The following MRO variants were observed in gnomAD, a reference collection of about 807,000 sequenced individuals.
The protein encoded by MRO is maestro, also known as protein maestro.
MRO carries 28 observed loss-of-function variants against 31.0 expected under a neutral mutation model. The ratio of observed to expected loss-of-function variants is 0.90; its 90% CI spans 0.67 to 1.24. MRO has a LOEUF of 1.24. MRO is among the 50% of genes most tolerant of loss of function. MRO has a pLI of 0.00. For synonymous variants in MRO, 108 were observed against 108.4 expected, an observed-to-expected ratio of 1.00 and a Z score of 0.02; for missense variants, 332 against 289.2, an observed-to-expected ratio of 1.15 and a Z score of -1.07.
At chr18:50,818,434 T>G (rs1442758926) in intron 2 of MRO, among the ~76,000 whole-genome samples, 2 of 152,166 alleles carry the variant, frequency 1.3e-5, no homozygotes, top group African/African-American at 4.8e-5. Context: ...GCAGACCCCT[T>G]GGTTTTCACG....
intron 2 of MRO, chr18:50,815,204 G>T: frequency 5.1e-6 from 1 of 196,764 alleles, no homozygotes; most frequent in Non-Finnish European, 1.1e-5. Context: ...GGGCATAATT[G>T]TGAAGTAAAA....
Position 50,806,750 on chromosome 18 carries a change from A to T in MRO, c.200T>A (p.Met67Lys). 1 of 1,614,120 alleles carries T rather than the reference A, an allele frequency of 6.2e-7. No homozygotes were observed. Among genetic ancestry groups the T allele is most frequent in the Non-Finnish European group, 8.5e-7 (1 of 1,180,016 alleles). The change falls in exon 4 of 8, where the codon ATG becomes AAG. Residue 67 changes from methionine to lysine, a missense_variant. Coordinates refer to ENST00000398439, the MANE Select transcript of MRO (RefSeq NM_031939.6). ...CATGGTTCCCAAGTTTCTCATTGCC[A>T]TGTGACGCTTTTTAGCACTGGGGTC... ...ARDPSAKKRH[M>K]AMRNLGTMAY...
rs1242159079 is a variant in MRO at position 50,797,579 on chromosome 18, T to C, written c.*1758A>G. 3 of 152,298 alleles carry C rather than the reference T, an allele frequency of 2.0e-5. No individual in the cohort carries two copies. Among genetic ancestry groups the C allele is most frequent in the Middle Eastern group, 3.4e-3 (1 of 294 alleles). 9.4% of individuals were successfully genotyped at this position (152,298 alleles called of 1,614,324 possible). On this transcript the variant is annotated 3_prime_UTR_variant, in exon 8 of 8. Transcript: ENST00000398439. ...TTTTAACCGACAGAGGGACATTAACTGCATAGGTTTTTCTACTCCAGAGCA... is the reference window on the plus strand; with the variant it reads ...TTTTAACCGACAGAGGGACATTAACCGCATAGGTTTTTCTACTCCAGAGCA...
In MRO at chr18:50,801,483, A is replaced by T. The variant is rs1298560997; in HGVS notation, c.451T>A (p.Ser151Thr). 1.2e-6 allele frequency: 2 copies of T among 1,606,492 alleles called. No individual in the cohort carries two copies. Among genetic ancestry groups the T allele is most frequent in the Non-Finnish European group, 1.7e-6 (2 of 1,176,846 alleles). ...LDDENDSLRY[S>T]AFVLFGQLAA... ...AATTGCCCAAACAAAACAAAGGCCG[A>T]GTATCTCAGACTGTCGTTCTCCTGC... Residue 151 changes from serine (S) to threonine (T), a missense_variant, in exon 6 of 8, where the codon TCG (serine) becomes ACG (threonine). Physicochemically the swap from Ser to Thr is moderately conservative, Grantham distance 58. Coordinates refer to ENST00000398439, the MANE Select transcript of MRO (RefSeq NM_031939.6).
intron 3 of MRO, among the ~76,000 whole-genome samples, chr18:50,807,256 C>T (rs1253610843): frequency 6.6e-6 from 1 of 152,154 alleles, no homozygotes; most frequent in Non-Finnish European, 1.5e-5. Context: ...CAGCTCTTTC[C>T]CATTTTTCTG....
chr18:50,799,801 C>T (rs1344794159), intron 7 of MRO, among the ~76,000 whole-genome samples: 1 of 152,166 alleles, frequency 6.6e-6, no homozygotes, highest in African/African-American at 2.4e-5. Context: ...ATCTCAGCTA[C>T]TCAAGAAGCT....
At chr18:50,809,144 C>CAAAAAAAAAAAAAAAAAAAAAAAAAAA (rs61728184) in intron 3 of MRO, among the ~76,000 whole-genome samples, 158 bp downstream of exon 3, 1 of 99,098 alleles carries the variant, frequency 1.0e-5, no homozygotes, top group Non-Finnish European at 1.9e-5. Context: ...GACTCCGTCT[C>CAAAAAAAAAAAAAAAAAAAAAAAAAAA]AAAAAAAAAA....
intron 5 of MRO, 55 bp downstream of exon 5, chr18:50,805,099 A>G: frequency 2.0e-6 from 3 of 1,486,190 alleles, no homozygotes; most frequent in Admixed American, 3.4e-5. Flanking sequence ...CCCCACAGTC[A>G]TATTTCTAAG....
chr18:50,816,252 G>A (rs1914909579), intron 2 of MRO: 1 of 152,534 alleles, frequency 6.6e-6, no homozygotes, highest in South Asian at 2.1e-4. Context: ...CATAGCCACA[G>A]TTTGCAAAAA....
intron 5 of MRO, among the ~76,000 whole-genome samples, chr18:50,802,697 T>C (rs1387393383): frequency 6.6e-6 from 1 of 151,650 alleles, no homozygotes; most frequent in Non-Finnish European, 1.5e-5. Flanking sequence ...ACAGAAATTG[T>C]CTTAGGGTTT....
At chr18:50,813,510 GA>G (rs887117592) in intron 2 of MRO, among the ~76,000 whole-genome samples, 1 of 152,222 alleles carries the variant, frequency 6.6e-6, no homozygotes, top group African/African-American at 2.4e-5. Context: ...CAGAGTTTCT[GA>G]TTCTGTGCAT....
intron 2 of MRO, among the ~76,000 whole-genome samples, chr18:50,811,669 T>C (rs1459693102): frequency 1.3e-5 from 2 of 152,046 alleles, no homozygotes; most frequent in South Asian, 2.1e-4. Context: ...TGAATATCTG[T>C]GCACAACTAT....
chr18:50,820,083 T>C, upstream of MRO: 4 of 913,386 alleles, frequency 4.4e-6, no homozygotes, highest in Non-Finnish European at 6.9e-6. Flanking sequence ...GGCCGCGAGA[T>C]GGCGGCATGA....
At chr18:50,805,931 C>A (rs371182303) in intron 4 of MRO, among the ~76,000 whole-genome samples, 2 of 151,470 alleles carry the variant, frequency 1.3e-5, no homozygotes, top group Admixed American at 1.3e-4. Context: ...TTCCAGCCTA[C>A]GGACATGACT....
intron 3 of MRO, among the ~76,000 whole-genome samples, chr18:50,808,657 A>G (rs1914162765): frequency 6.6e-6 from 1 of 151,048 alleles, no homozygotes; most frequent in Non-Finnish European, 1.5e-5. Flanking sequence ...GGGTTTTGCC[A>G]CGTTGCCGGC....
At chr18:50,812,580 T>C (rs1478318364) in intron 2 of MRO, among the ~76,000 whole-genome samples, 1 of 152,212 alleles carries the variant, frequency 6.6e-6, no homozygotes, top group Non-Finnish European at 1.5e-5. Context: ...TATGAATCTA[T>C]TGCCACATCT....
At position 50,799,106 on chromosome 18, in the gene MRO, A is replaced by G; in HGVS notation, c.*231T>C. 2.0e-6 allele frequency: 1 copy of G among 494,844 alleles called. No individual in the cohort carries two copies. Among genetic ancestry groups the G allele is most frequent in the Non-Finnish European group, 3.6e-6 (1 of 274,292 alleles). The allele number at this position is 494,844 out of a possible 1,614,324, so 30.7% of individuals were successfully genotyped here. A position where few individuals can be genotyped will look rare whatever the true frequency, so the allele number is the denominator to read the frequency against. ...AAAGAAAGTGTGTACCTGCTCATCA[A>G]ATTTGTATGGGGAGGAAATGAAATA... On this transcript the variant is annotated 3_prime_UTR_variant, in exon 8 of 8. Transcript: ENST00000398439.
chr18:50,817,435 G>A (rs932019101), intron 2 of MRO, among the ~76,000 whole-genome samples: 6 of 151,986 alleles, frequency 3.9e-5, no homozygotes, highest in Admixed American at 6.6e-5. Flanking sequence ...TGAGGCTGCC[G>A]TAAGCCATGA....
chr18:50,799,521 G>C, intron 7 of MRO, 131 bp from the exon 8 acceptor site: 1 of 774,946 alleles, frequency 1.3e-6, no homozygotes, highest in Middle Eastern at 2.3e-4. Flanking sequence ...TCTGTATCCA[G>C]CTAGTGACCT....
Sources: gnomAD v4.1 joint callset for allele counts (sites outside exome capture counted in the v4.1 genomes callset) on GRCh38, gnomAD v4.1.1 for gene constraint, MANE v1.5 for transcripts, NCBI Gene and HGNC (gene_info 2026-07-23, HGNC 2026-07-21) for gene names.